Variants in HSD17B4 observed in about 807,000 individuals in gnomAD.
HSD17B4 encodes hydroxysteroid 17-beta dehydrogenase 4.
A neutral mutation model predicts 101.0 loss-of-function variants in HSD17B4; 70 were observed. The ratio of observed to expected loss-of-function variants is 0.69; its 90% confidence interval spans 0.57 to 0.85. The LOEUF (loss-of-function observed/expected upper bound fraction) is 0.85. Among genes scored for constraint, HSD17B4 ranks in the 40% least tolerant of loss-of-function variants. HSD17B4 has a pLI of 0.00. For missense variants in HSD17B4, 984 were observed against 892.4 expected (o/e 1.10, Z -1.31); for synonymous variants, 347 against 297.1 (o/e 1.17, Z -1.73).
At chr5:119,489,080 A>G (rs1391536559) in intron 8 of HSD17B4, 112 bp from the exon 9 acceptor site, 20 of 742,630 alleles carry the variant, frequency 2.7e-5, no homozygotes, top group African/African-American at 1.8e-5. Flanking sequence ...AGTTATATAC[A>G]TACTAATTTT....
At chr5:119,511,350 A>G (rs1752150589) in intron 16 of HSD17B4, among the ~76,000 whole-genome samples, 1 of 152,242 alleles carries the variant, frequency 6.6e-6, no homozygotes, top group African/African-American at 2.4e-5. Context: ...AGTGTAGCCC[A>G]GCTAGACATT....
At chr5:119,526,981 T>C (rs1753656960) in intron 19 of HSD17B4, 152 bp from the exon 20 acceptor site, 1 of 614,974 alleles carries the variant, frequency 1.6e-6, no homozygotes, top group African/African-American at 1.9e-5. Flanking sequence ...AATTTTATCA[T>C]ATTATACTTA....
In HSD17B4 at chr5:119,502,024, T is replaced by C. The variant is rs1430984516; in HGVS notation, c.1210-17T>C. On this transcript the variant is annotated splice_polypyrimidine_tract_variant and intron_variant, in intron 13 of 23. Transcript: ENST00000510025. ...GCAAGAAAGTTTGCTAATAAAATTTTGTTTACCCTAACATAGGTTCTTCAT... is the reference window on the plus strand; with the variant it reads ...GCAAGAAAGTTTGCTAATAAAATTTCGTTTACCCTAACATAGGTTCTTCAT... 3.2e-6 allele frequency: 5 copies of C among 1,558,708 alleles called. No homozygotes were observed. The highest frequency in any genetic ancestry group is 4.4e-6 in the Non-Finnish European group (5 of 1,129,970).
rs548322984 is a variant in HSD17B4 at position 119,491,218 on chromosome 5, A to C, written c.715-882A>C. On this transcript the variant is annotated intron_variant, in intron 9 of 23. Transcript: ENST00000510025. ...AGTTATTTTGCCTGTTATCAAAACC[A>C]CTGCTGATTTGTCTAGTGTAACTTT... Among the ~76,000 whole-genome samples the C allele has an allele frequency of 9.2e-5, 14 of 152,272 alleles. 1 individual carries two copies. The South Asian group carries it at 2.9e-3, about 32-fold the overall frequency.
chr5:119,463,558 C>G (rs1300233664), intron 2 of HSD17B4, among the ~76,000 whole-genome samples: 1 of 129,848 alleles, frequency 7.7e-6, no homozygotes, highest in East Asian at 2.5e-4. Flanking sequence ...AGTAGCCATT[C>G]TAACTTGAAA....
chr5:119,476,171 G>T (rs1454586284), intron 6 of HSD17B4, among the ~76,000 whole-genome samples: 1 of 151,974 alleles, frequency 6.6e-6, no homozygotes, highest in Non-Finnish European at 1.5e-5. Flanking sequence ...TTTTCTAGAG[G>T]TATTAACTCT....
chr5:119,510,261 A>G (rs1752051632), intron 16 of HSD17B4, among the ~76,000 whole-genome samples: 1 of 152,204 alleles, frequency 6.6e-6, no homozygotes, highest in Admixed American at 6.5e-5. Context: ...GCAGACCCCA[A>G]AAGTTTTTAG....
At chr5:119,477,027 T>G (rs1263631643) in intron 6 of HSD17B4, among the ~76,000 whole-genome samples, 1 of 152,162 alleles carries the variant, frequency 6.6e-6, no homozygotes, top group Non-Finnish European at 1.5e-5. Context: ...TTGTAAATAT[T>G]TCTTAATGAG....
rs1754070196 is a variant in HSD17B4, at chr5:119,531,243, GTTTA to G, written c.1855-19_1855-16del. ...GAGTTATTTTTACAGAACTTTTAAA[GTTTA>G]TTTTGTTGTCGTTGTTAGGGCGGGA... On this transcript the variant is annotated intron_variant, in intron 21 of 23. Coordinates refer to ENST00000510025, the MANE Select transcript of HSD17B4 (RefSeq NM_000414.4). The G allele has an allele frequency of 6.8e-6, 11 of 1,612,282 alleles. No homozygotes were observed. The highest frequency in any genetic ancestry group is 9.3e-6 in the Non-Finnish European group (11 of 1,178,694).
At chr5:119,518,432 A>T (rs529971122) in intron 17 of HSD17B4, among the ~76,000 whole-genome samples, 1 of 152,204 alleles carries the variant, frequency 6.6e-6, no homozygotes, top group Non-Finnish European at 1.5e-5. Context: ...GAAGTCAGTG[A>T]GACCAAGAAC....
intron 10 of HSD17B4, chr5:119,493,584 C>T (rs553251912): frequency 6.2e-5 from 29 of 468,178 alleles, no homozygotes; most frequent in South Asian, 1.9e-4. Context: ...TACTGTCTGG[C>T]ATAGTCAGAG....
chr5:119,525,724 T>TTTCTTTTTTTCTTTTTTTCATAATTTCC, intron 18 of HSD17B4, 193 bp from the exon 19 acceptor site: 1 of 561,910 alleles, frequency 1.8e-6, no homozygotes, highest in South Asian at 2.2e-5. Context: ...TTTTTTTTTT[T>TTTCTTTTTTTCTTTTTTTCATAATTTCC]TCTTTCTTTC....
At chr5:119,460,872 C>T (rs1755160067) in intron 2 of HSD17B4, among the ~76,000 whole-genome samples, 1 of 152,124 alleles carries the variant, frequency 6.6e-6, no homozygotes. Flanking sequence ...AAGGAGTGCG[C>T]CTTGAGGAGA....
At chr5:119,535,668 T>A (rs1028544333) in intron 22 of HSD17B4, 1 of 129,994 alleles carries the variant, frequency 7.7e-6, no homozygotes, top group Non-Finnish European at 1.7e-5. Context: ...CTAATATATA[T>A]TTTATATATA....
chr5:119,514,947 A>T, intron 16 of HSD17B4, 34 bp from the exon 17 acceptor site: 1 of 1,148,252 alleles, frequency 8.7e-7, no homozygotes, highest in Non-Finnish European at 1.3e-6. Context: ...GATAATTTGT[A>T]TTTAAGATTT....
At chr5:119,507,422 T>C (rs1318117507) in intron 15 of HSD17B4, among the ~76,000 whole-genome samples, 1 of 152,158 alleles carries the variant, frequency 6.6e-6, no homozygotes, top group African/African-American at 2.4e-5. Context: ...GGAAAAAAGA[T>C]TGTAGTAGTT....
chr5:119,525,659 A>G (rs1753520846), intron 18 of HSD17B4: 2 of 539,766 alleles, frequency 3.7e-6, no homozygotes, highest in East Asian at 3.2e-5. Flanking sequence ...GGTTACAACC[A>G]AAACTAAACA....
At chr5:119,511,427 G>A (rs1052543859) in intron 16 of HSD17B4, among the ~76,000 whole-genome samples, 6 of 152,132 alleles carry the variant, frequency 3.9e-5, no homozygotes, top group African/African-American at 1.4e-4. Context: ...AAACCTCAAA[G>A]TCTGGCCTCA....
Position 119,536,553 on chromosome 5 carries a change from A to G in HSD17B4, c.2121+3A>G, listed in dbSNP as rs777709209. On this transcript the variant is annotated splice_donor_region_variant and intron_variant, in intron 23 of 23. Transcript: ENST00000510025. ...TGGGCAAGCTTGACCCTCAGAAGGT[A>G]ATGTTCTCAAATGTTCATTTATTCA... The G allele has an allele frequency of 5.6e-6, 9 of 1,610,858 alleles. No homozygotes were observed. The highest frequency in any genetic ancestry group is 1.1e-5 in the South Asian group (1 of 91,034).
Sources: allele counts gnomAD v4.1 joint callset (sites outside exome capture counted in the v4.1 genomes callset), GRCh38; gene constraint gnomAD v4.1.1; transcripts MANE v1.5; gene names NCBI Gene and HGNC (gene_info 2026-07-23, HGNC 2026-07-21).